Variants in ADGRG4 observed in about 807,000 individuals in gnomAD.
ADGRG4 encodes the protein G protein-coupled receptor 112.
A neutral mutation model predicts 126.2 loss-of-function variants in ADGRG4; 122 were observed. The ratio of observed to expected loss-of-function variants is 0.97; its 90% confidence interval spans 0.83 to 1.12. The LOEUF (loss-of-function observed/expected upper bound fraction) is 1.12, where lower values mean the gene tolerates loss of function less well. Ranked by LOEUF, ADGRG4 falls within the 50% of genes most tolerant of loss-of-function variation. ADGRG4 has a pLI of 0.00. For synonymous variants in ADGRG4, 943 were observed against 838.7 expected (o/e 1.12, Z -2.15); for missense variants, 2,481 against 2,251.8 (o/e 1.10, Z -2.06).
chrX:136,354,016 GA>G (rs1385540439), intron 8 of ADGRG4, among the ~76,000 whole-genome samples: 1 of 111,755 alleles, frequency 8.9e-6, no homozygotes, highest in Admixed American at 9.5e-5. Context: ...GAAGCTCTTT[GA>G]AAAATAGGCA....
At chrX:136,354,870 T>A (rs767689975) in intron 8 of ADGRG4, among the ~76,000 whole-genome samples, 1 of 111,512 alleles carries the variant, frequency 9.0e-6, no homozygotes, top group East Asian at 2.8e-4. Context: ...GCTTCTATGA[T>A]CTCCCTGGGT....
At chrX:136,331,818 A>ATT (rs781588407) in intron 5 of ADGRG4, among the ~76,000 whole-genome samples, 2 of 96,596 alleles carry the variant, frequency 2.1e-5, no homozygotes, top group Non-Finnish European at 4.2e-5. Flanking sequence ...ATATATTCTA[A>ATT]TTTTTTTTTT....
intron 5 of ADGRG4, among the ~76,000 whole-genome samples, chrX:136,339,167 T>C (rs914302157): frequency 9.0e-6 from 1 of 111,487 alleles, no homozygotes; most frequent in Non-Finnish European, 1.9e-5. Context: ...CACCTGCTGC[T>C]GGAGAGTCCC....
chrX:136,411,064 A>AT (rs761629298), intron 23 of ADGRG4, among the ~76,000 whole-genome samples: 1,212 of 108,829 alleles, frequency 0.011, 13 homozygotes, highest in African/African-American at 0.025. Context: ...AATCAAGATA[A>AT]TTTTTTTTTT....
rs923045343 is a variant in ADGRG4 at position 136,327,161 on chromosome X, T to C, written c.685+3769T>C. On this transcript the variant is annotated intron_variant, in intron 5 of 25. Coordinates refer to ENST00000394143, the MANE Select transcript of ADGRG4 (RefSeq NM_153834.4). ...TATATTTAAACAATACAAAATCATA[T>C]GAAATATCAAGTAAAACCTACCCTT... is the stretch of plus-strand genomic sequence containing the variant. 2.7e-5 allele frequency among the ~76,000 whole-genome samples: 3 copies of C among 111,697 alleles called. No individual in the cohort carries two copies. In the Admixed American group the frequency reaches 2.9e-4, roughly 11 times the overall value.
At chrX:136,351,993 A>T (rs2075065459) in intron 7 of ADGRG4, among the ~76,000 whole-genome samples, 2 of 111,660 alleles carry the variant, frequency 1.8e-5, no homozygotes, top group South Asian at 7.4e-4. Context: ...GATATGACTA[A>T]TACATACTCT....
intron 13 of ADGRG4, among the ~76,000 whole-genome samples, chrX:136,371,047 A>G (rs1276479726): frequency 4.5e-5 from 5 of 111,854 alleles, no homozygotes; most frequent in African/African-American, 1.6e-4. Flanking sequence ...AATTAGAATC[A>G]AATTTCAAGA....
rs748701252 is a variant in ADGRG4 at position 136,353,258 on chromosome X, T to C, written c.6823-79T>C. 6.1e-6 allele frequency: 4 copies of C among 654,348 alleles called. No homozygotes were observed. The African/African-American group carries it at 8.7e-5, about 14-fold the overall frequency. 53.9% of individuals were successfully genotyped at this position (654,348 alleles called of 1,213,427 possible). ...TGAAATAATGAGTGCAGCTTAATGA[T>C]CACACCATCCCAAGTGATTTTGCTG... On this transcript the variant is annotated intron_variant, in intron 7 of 25. Transcript: ENST00000394143.
chrX:136,349,332 C>A lies in ADGRG4; in HGVS notation c.5626C>A (p.Gln1876Lys). 1 of 1,209,712 alleles carries A rather than the reference C, an allele frequency of 8.3e-7. No homozygotes were observed. The highest frequency in any genetic ancestry group is 1.1e-6 in the Non-Finnish European group (1 of 893,965). Residue 1876 changes from glutamine (Q) to lysine (K), a missense_variant, in exon 6 of 26, where the codon CAA becomes AAA. Gln to Lys is a moderately conservative substitution (Grantham distance 53, BLOSUM62 1). Coordinates refer to ENST00000394143, the MANE Select transcript of ADGRG4 (RefSeq NM_153834.4). ...AACAAGAATGACATCTAGTAATACC[C>A]AACCTCTGCTTATGACTTCCTGGAA... ...LGTRMTSSNT[Q>K]PLLMTSWNIP...
At chrX:136,399,740 T>C (rs954035163) in intron 20 of ADGRG4, 108 bp from the exon 21 acceptor site, 12 of 675,210 alleles carry the variant, frequency 1.8e-5, no homozygotes, top group Admixed American at 3.6e-5. Context: ...TAAGCAAAGA[T>C]GAGTAATTCT....
intron 5 of ADGRG4, among the ~76,000 whole-genome samples, chrX:136,327,343 C>T (rs759535939): frequency 9.1e-6 from 1 of 110,142 alleles, no homozygotes; most frequent in Admixed American, 9.8e-5. Context: ...GTGTAGCACA[C>T]CAACATGGCC....
intron 5 of ADGRG4, among the ~76,000 whole-genome samples, chrX:136,325,036 C>G (rs749752082): frequency 1.5e-4 from 17 of 112,234 alleles, no homozygotes; most frequent in African/African-American, 4.8e-4. Flanking sequence ...TAATCCCACT[C>G]TGCTCTCAAA....
At position 136,395,452 on chromosome X, in the gene ADGRG4, A is replaced by G. The variant is rs776694032; in HGVS notation, c.8143A>G (p.Ile2715Val). ...KVKETNVNYT[I>V]CQCDHLTHFG... ...AAAGGAAACAAATGTAAATTACACA[A>G]TCTGTCAGTGTGACCACCTCACCCA... The change falls in exon 19 of 26, where the codon ATC (isoleucine) becomes GTC (valine). Residue 2715 changes from isoleucine to valine, a missense_variant. Ile to Val is a conservative substitution (Grantham distance 29, BLOSUM62 3). Transcript: ENST00000394143. 2.3e-5 allele frequency: 28 copies of G among 1,196,208 alleles called. No individual in the cohort carries two copies. Among genetic ancestry groups the G allele is most frequent in the South Asian group, 5.4e-5 (3 of 56,052 alleles).
In ADGRG4 at chrX:136,347,553, T is replaced by A. The variant is rs1173561940; in HGVS notation, c.3847T>A (p.Ser1283Thr). ...GACAGAAATGTCCCCATCAAAGAAT[T>A]CTTTTATTTCATACTCCCGGGGTAC... ...EVTEMSPSKN[S>T]FISYSRGTPS... Residue 1283 changes from serine (S) to threonine (T), a missense_variant, in exon 6 of 26, where the codon TCT (serine) becomes ACT (threonine). Ser to Thr is a moderately conservative substitution (Grantham distance 58). Coordinates refer to ENST00000394143, the MANE Select transcript of ADGRG4 (RefSeq NM_153834.4). 1 of 1,208,237 alleles carries A rather than the reference T, an allele frequency of 8.3e-7. No homozygotes were observed. The highest frequency in any genetic ancestry group is 1.1e-6 in the Non-Finnish European group (1 of 893,042).
At chrX:136,302,782 A>G (rs1359306446) in intron 1 of ADGRG4, among the ~76,000 whole-genome samples, 1 of 111,948 alleles carries the variant, frequency 8.9e-6, no homozygotes, top group East Asian at 2.8e-4. Context: ...TAAAGCATTT[A>G]TTACGTACCA....
intron 7 of ADGRG4, 61 bp downstream of exon 7, chrX:136,351,602 A>G (rs959182651): frequency 6.4e-6 from 3 of 471,298 alleles, no homozygotes; most frequent in Admixed American, 9.0e-5. Context: ...ATACATTTAT[A>G]TATATGACAG....
intron 15 of ADGRG4, among the ~76,000 whole-genome samples, chrX:136,374,863 C>A (rs897888433): frequency 1.3e-4 from 15 of 111,552 alleles, no homozygotes; most frequent in Non-Finnish European, 2.8e-4. Flanking sequence ...ATCTTTTGCC[C>A]ATTTTTAAAT....
chrX:136,341,980 G>A (rs1270101311), intron 5 of ADGRG4, among the ~76,000 whole-genome samples: 1 of 111,788 alleles, frequency 8.9e-6, no homozygotes, highest in Non-Finnish European at 1.9e-5. Context: ...ATGGATGTTT[G>A]GGTGATTTCA....
intron 21 of ADGRG4, among the ~76,000 whole-genome samples, chrX:136,402,263 T>C (rs1421120819): frequency 1.8e-5 from 2 of 112,392 alleles, no homozygotes; most frequent in African/African-American, 6.5e-5. Context: ...TTTATATTTT[T>C]AAAATAACAA....
Sources: allele counts gnomAD v4.1 joint callset (sites outside exome capture counted in the v4.1 genomes callset), GRCh38; gene constraint gnomAD v4.1.1; transcripts MANE v1.5; gene names NCBI Gene and HGNC (gene_info 2026-07-23, HGNC 2026-07-21).